TRPM6: variants seen among roughly 807,000 people sequenced by gnomAD.
TRPM6 encodes transient receptor potential cation channel subfamily M member 6.
Under a neutral mutation model 247.6 loss-of-function variants are expected in TRPM6, and 111 were observed. The ratio of observed to expected loss-of-function variants is 0.45; its 90% CI spans 0.38 to 0.52. The LOEUF (loss-of-function observed/expected upper bound fraction) is 0.52. TRPM6 is among the 20% of genes least tolerant of loss of function. TRPM6 has a pLI of 0.00. For missense variants in TRPM6, 2,126 were observed against 2,421.5 expected (o/e 0.88, Z 2.56); for synonymous variants, 892 against 853.8 (o/e 1.04, Z -0.78).
intron 1 of TRPM6, among the ~76,000 whole-genome samples, chr9:74,864,504 G>A (rs533292469): frequency 3.9e-5 from 6 of 152,158 alleles, no homozygotes; most frequent in Admixed American, 6.5e-5. Flanking sequence ...CCAAGTTCCT[G>A]TTCCACCAAC....
intron 24 of TRPM6, among the ~76,000 whole-genome samples, chr9:74,774,171 A>G (rs1827137901): frequency 6.6e-6 from 1 of 152,246 alleles, no homozygotes; most frequent in East Asian, 1.9e-4. Flanking sequence ...CACAAAGCTC[A>G]GGGTGAATTC....
intron 25 of TRPM6, among the ~76,000 whole-genome samples, chr9:74,770,624 G>T (rs1270718715): frequency 6.6e-6 from 1 of 152,032 alleles, no homozygotes; most frequent in Non-Finnish European, 1.5e-5. Flanking sequence ...CGACGACTCT[G>T]CCTCGAGACC....
Position 74,812,322 on chromosome 9 carries a change from G to A in TRPM6, c.1420C>T (p.Arg474Ter), listed in dbSNP as rs121912623. The A allele has an allele frequency of 3.7e-6, 6 of 1,613,788 alleles. No individual in the cohort carries two copies. The highest frequency in any genetic ancestry group is 4.2e-6 in the Non-Finnish European group (5 of 1,179,856). Residue 474 changes from arginine (R) to a stop codon, truncating the protein, a stop_gained, in exon 12 of 39, where the codon CGA becomes TGA. Transcript: ENST00000360774. LOFTEE classifies it high-confidence loss of function. ...VNLHRFLTIPRLEELYNTKQG... is the reference protein window; with the variant it reads ...VNLHRFLTIP ...ACTGTATTGTAGAGCTCTTCCAGTC[G>A]AGGGATGGTAAGAAAGCGATGGAGG...
At chr9:74,756,019 C>T (rs1826419213) in intron 27 of TRPM6, among the ~76,000 whole-genome samples, 1 of 152,124 alleles carries the variant, frequency 6.6e-6, no homozygotes. Flanking sequence ...TATGACCGTC[C>T]TATATACTTC....
chr9:74,816,883 G>A lies in TRPM6; in HGVS notation c.1207+9C>T, dbSNP rs374430346. 2 of 1,613,806 alleles carry A rather than the reference G, an allele frequency of 1.2e-6. No individual in the cohort carries two copies. Among genetic ancestry groups the A allele is most frequent in the Non-Finnish European group, 1.7e-6 (2 of 1,179,834 alleles). On this transcript the variant is annotated intron_variant, in intron 10 of 38. Coordinates refer to ENST00000360774, the MANE Select transcript of TRPM6 (RefSeq NM_017662.5). ...TGAGGAACAATTGCAACCCCATCCA[G>A]ATACTCACCCTTCAGCAAAGCTGTT...
chr9:74,801,657 G>A (rs975280343), intron 16 of TRPM6, among the ~76,000 whole-genome samples: 8 of 152,124 alleles, frequency 5.3e-5, no homozygotes, highest in Middle Eastern at 3.2e-3. Context: ...CTGGTCAACT[G>A]ACTTGTCTAA....
intron 21 of TRPM6, among the ~76,000 whole-genome samples, chr9:74,783,897 C>T (rs1387937210): frequency 6.6e-6 from 1 of 152,106 alleles, no homozygotes; most frequent in Admixed American, 6.5e-5. Context: ...GAAGGAAAAG[C>T]CAAAGATGAT....
At chr9:74,768,851 TTAGTTTA>T (rs371888966) in intron 25 of TRPM6, among the ~76,000 whole-genome samples, 130 of 152,328 alleles carry the variant, frequency 8.5e-4, no homozygotes, top group African/African-American at 2.8e-3. Flanking sequence ...AAATCCTTCC[TTAGTTTA>T]TAGTTTAGAG....
At chr9:74,790,766 A>G (rs1399868216) in intron 19 of TRPM6, among the ~76,000 whole-genome samples, 1 of 152,222 alleles carries the variant, frequency 6.6e-6, no homozygotes, top group Non-Finnish European at 1.5e-5. Flanking sequence ...TGGAAGATTT[A>G]TAAGCAAAAG....
At chr9:74,795,524 C>A (rs115477362) in intron 18 of TRPM6, among the ~76,000 whole-genome samples, 1,639 of 152,268 alleles carry the variant, frequency 0.011, 28 homozygotes, top group African/African-American at 0.038. Context: ...CACTTCCCAA[C>A]TCCATGACCC....
At chr9:74,860,354 A>T (rs943124835) in intron 1 of TRPM6, among the ~76,000 whole-genome samples, 1 of 151,482 alleles carries the variant, frequency 6.6e-6, no homozygotes, top group Non-Finnish European at 1.5e-5. Flanking sequence ...TTATTTTTTT[A>T]TTTTTTTTGA....
chr9:74,833,947 A>G, intron 6 of TRPM6, 51 bp downstream of exon 6: 1 of 1,610,584 alleles, frequency 6.2e-7, no homozygotes, highest in Non-Finnish European at 8.5e-7. Flanking sequence ...TTAAGCTGGC[A>G]ATTTGCACAC....
intron 1 of TRPM6, among the ~76,000 whole-genome samples, chr9:74,878,420 C>T (rs185158447): frequency 2.6e-5 from 4 of 152,330 alleles, no homozygotes; most frequent in African/African-American, 7.2e-5. Flanking sequence ...GGCCCAAGGA[C>T]TGGCCCATCT....
chr9:74,777,043 A>G (rs1432378523), intron 23 of TRPM6, among the ~76,000 whole-genome samples: 1 of 152,240 alleles, frequency 6.6e-6, no homozygotes, highest in Non-Finnish European at 1.5e-5. Flanking sequence ...GAAGTTTCTC[A>G]GAATCCATAA....
chr9:74,777,205 C>T (rs1014466378), intron 23 of TRPM6, among the ~76,000 whole-genome samples: 1 of 152,180 alleles, frequency 6.6e-6, no homozygotes, highest in Non-Finnish European at 1.5e-5. Context: ...GTTGCACATG[C>T]TATTAATAGC....
rs77966488 is a variant in TRPM6 at position 74,826,484 on chromosome 9, G to A, written c.841+1294C>T. ...AAGTATTTTGTGGAAGATTTAATTC[G>A]GCACAAGAGGCAGGGGTCGACTTTC... is the stretch of plus-strand genomic sequence containing the variant. On this transcript the variant is annotated intron_variant, in intron 7 of 38. Transcript: ENST00000360774. Among the ~76,000 whole-genome samples the A allele has an allele frequency of 6.8e-3, 1,037 of 152,174 alleles. 5 individuals carry two copies. The highest frequency in any genetic ancestry group is 0.012 in the Non-Finnish European group (803 of 67,996).
chr9:74,811,533 T>A (rs1828728902), intron 12 of TRPM6, among the ~76,000 whole-genome samples: 1 of 152,212 alleles, frequency 6.6e-6, no homozygotes, highest in Admixed American at 6.5e-5. Flanking sequence ...AGGGTTTACA[T>A]GGGAAAGGTA....
intron 1 of TRPM6, among the ~76,000 whole-genome samples, chr9:74,865,361 G>T (rs1830815276): frequency 6.6e-6 from 1 of 152,118 alleles, no homozygotes; most frequent in Non-Finnish European, 1.5e-5. Flanking sequence ...CACGCTTCAG[G>T]GTTTAACCAG....
intron 14 of TRPM6, among the ~76,000 whole-genome samples, chr9:74,806,433 C>T (rs1390432435): frequency 6.6e-6 from 1 of 152,082 alleles, no homozygotes; most frequent in Non-Finnish European, 1.5e-5. Context: ...GCCCAAACTA[C>T]AGGCTTTGAA....
Sources: gnomAD v4.1 joint callset for allele counts (sites outside exome capture counted in the v4.1 genomes callset) on GRCh38, gnomAD v4.1.1 for gene constraint, MANE v1.5 for transcripts, NCBI Gene and HGNC (gene_info 2026-07-23, HGNC 2026-07-21) for gene names.